The following GPC5 variants were observed in gnomAD, a reference collection of about 807,000 sequenced individuals.
The protein encoded by GPC5 is glypican-5.
GPC5 carries 47 observed loss-of-function variants against 53.9 expected under a neutral mutation model. The ratio of observed to expected loss-of-function variants is 0.87; its 90% confidence interval spans 0.69 to 1.11. GPC5 has a LOEUF of 1.11. Among genes scored for constraint, GPC5 ranks in the 50% most tolerant of loss-of-function variants. The probability of loss-of-function intolerance (pLI) is 0.00; values close to 1 mark genes in which losing one functional copy is unlikely to be tolerated. For missense variants in GPC5, 748 were observed against 713.1 expected, an observed-to-expected ratio of 1.05 and a Z score of -0.56; for synonymous variants, 286 against 263.3, an observed-to-expected ratio of 1.09 and a Z score of -0.84.
chr13:92,064,000 A>G (rs761379762), intron 6 of GPC5, among the ~76,000 whole-genome samples: 6 of 152,180 alleles, frequency 3.9e-5, no homozygotes, highest in Non-Finnish European at 8.8e-5. Context: ...TTTGGCTGAG[A>G]GAGAGAGAGA....
At chr13:92,481,011 T>A (rs1375944526) in intron 7 of GPC5, among the ~76,000 whole-genome samples, 1 of 152,184 alleles carries the variant, frequency 6.6e-6, no homozygotes, top group East Asian at 1.9e-4. Context: ...GAACAGGTTC[T>A]CCCCTAGAAC....
intron 2 of GPC5, among the ~76,000 whole-genome samples, chr13:91,652,575 A>G (rs1266127482): frequency 6.6e-6 from 1 of 152,176 alleles, no homozygotes; most frequent in African/African-American, 2.4e-5. Context: ...GGTAGGATAT[A>G]CAGCACAAAG....
chr13:91,945,413 C>T (rs182276767), intron 6 of GPC5, among the ~76,000 whole-genome samples: 18 of 152,224 alleles, frequency 1.2e-4, no homozygotes, highest in African/African-American at 1.9e-4. Flanking sequence ...TCTTTTATTA[C>T]GCTCTTAAAA....
At chr13:92,760,086 T>G (rs1327564774) in intron 7 of GPC5, among the ~76,000 whole-genome samples, 2 of 152,120 alleles carry the variant, frequency 1.3e-5, no homozygotes, top group Non-Finnish European at 2.9e-5. Context: ...ATGGACAATC[T>G]TTTTTATTGA....
intron 7 of GPC5, among the ~76,000 whole-genome samples, chr13:92,679,105 G>C (rs1887038831): frequency 6.6e-6 from 1 of 152,198 alleles, no homozygotes; most frequent in South Asian, 2.1e-4. Context: ...CGGGAGATTT[G>C]AATGCATAGA....
chr13:91,645,327 G>A (rs564076171), intron 2 of GPC5, among the ~76,000 whole-genome samples: 2 of 152,030 alleles, frequency 1.3e-5, no homozygotes, highest in Non-Finnish European at 2.9e-5. Context: ...TTTTACCTTT[G>A]AATTTAACTT....
At chr13:92,382,753 G>A (rs1457061445) in intron 7 of GPC5, among the ~76,000 whole-genome samples, 1 of 152,052 alleles carries the variant, frequency 6.6e-6, no homozygotes, top group African/African-American at 2.4e-5. Flanking sequence ...GCTCACGCCT[G>A]TAATCCCAGC....
chr13:92,530,240 G>A (rs138303674), intron 7 of GPC5, among the ~76,000 whole-genome samples: 2 of 152,220 alleles, frequency 1.3e-5, no homozygotes, highest in Non-Finnish European at 2.9e-5. Context: ...GAAATCTTAG[G>A]AGCTTCCATG....
chr13:92,209,430 G>GT (rs2042359304), intron 7 of GPC5, among the ~76,000 whole-genome samples: 2 of 152,144 alleles, frequency 1.3e-5, no homozygotes, highest in Non-Finnish European at 2.9e-5. Context: ...CCTCTGTCCT[G>GT]TGGCAGAGTG....
At chr13:92,809,156 A>G (rs1385392566) in intron 7 of GPC5, among the ~76,000 whole-genome samples, 1 of 152,160 alleles carries the variant, frequency 6.6e-6, no homozygotes, top group African/African-American at 2.4e-5. Flanking sequence ...GTTACTCTCT[A>G]TTAAATTATT....
intron 7 of GPC5, among the ~76,000 whole-genome samples, chr13:92,275,182 A>G (rs2042866754): frequency 1.3e-5 from 2 of 152,160 alleles, no homozygotes; most frequent in Non-Finnish European, 2.9e-5. Context: ...AATCAAAACA[A>G]TTGAAATAGA....
chr13:91,764,737 C>T (rs577585718), intron 5 of GPC5, among the ~76,000 whole-genome samples: 6 of 152,264 alleles, frequency 3.9e-5, no homozygotes, highest in East Asian at 3.9e-4. Flanking sequence ...GCACTCTCCT[C>T]GTCCTTCAAA....
intron 7 of GPC5, among the ~76,000 whole-genome samples, chr13:92,425,387 T>C (rs1335049036): frequency 6.6e-6 from 1 of 152,080 alleles, no homozygotes; most frequent in Non-Finnish European, 1.5e-5. Flanking sequence ...GGCTAATGTT[T>C]CTAACATTTA....
chr13:91,576,319 G>GTA (rs1566521478), intron 2 of GPC5, among the ~76,000 whole-genome samples: 4 of 24,542 alleles, frequency 1.6e-4, no homozygotes, highest in South Asian at 8.5e-3. Flanking sequence ...AATACACAAT[G>GTA]TGTATATATA....
At chr13:91,649,013 C>T (rs2034631239) in intron 2 of GPC5, among the ~76,000 whole-genome samples, 2 of 152,118 alleles carry the variant, frequency 1.3e-5, no homozygotes, top group Non-Finnish European at 2.9e-5. Flanking sequence ...AGCGGTTACC[C>T]CCATGCCGCT....
At chr13:91,629,572 G>A (rs1566565985) in intron 2 of GPC5, among the ~76,000 whole-genome samples, 1 of 152,108 alleles carries the variant, frequency 6.6e-6, no homozygotes, top group Non-Finnish European at 1.5e-5. Context: ...GAACCCAGGA[G>A]GCAGAGGTTG....
At chr13:91,942,014 T>TGAATTAACATG (rs1159652136) in intron 6 of GPC5, among the ~76,000 whole-genome samples, 2 of 152,150 alleles carry the variant, frequency 1.3e-5, no homozygotes, top group Non-Finnish European at 2.9e-5. Flanking sequence ...TCACCTCAAG[T>TGAATTAACATG]GAATTAACAT....
chr13:92,200,026 T>C (rs976018876), intron 7 of GPC5, among the ~76,000 whole-genome samples: 44 of 152,346 alleles, frequency 2.9e-4, no homozygotes, highest in African/African-American at 9.6e-4. Context: ...CTTTGCTCAA[T>C]GTATTTTCAT....
At chr13:92,571,677 T>C (rs547844368) in intron 7 of GPC5, among the ~76,000 whole-genome samples, 1 of 152,132 alleles carries the variant, frequency 6.6e-6, no homozygotes, top group Non-Finnish European at 1.5e-5. Flanking sequence ...ATTAATCCAA[T>C]AAAATATAAA....
Sources: allele counts gnomAD v4.1 joint callset (sites outside exome capture counted in the v4.1 genomes callset), GRCh38; gene constraint gnomAD v4.1.1; transcripts MANE v1.5; gene names NCBI Gene and HGNC (gene_info 2026-07-23, HGNC 2026-07-21).